The following ITPR1 variants were observed in gnomAD, a reference collection of about 807,000 sequenced individuals.
ITPR1 encodes the protein inositol 1,4,5-trisphosphate-gated calcium channel ITPR1.
A neutral mutation model predicts 318.4 loss-of-function variants in ITPR1; 96 were observed. That is an observed-to-expected ratio of 0.30 (90% CI 0.26 to 0.36). The LOEUF (loss-of-function observed/expected upper bound fraction) is 0.36, where lower values mean the gene tolerates loss of function less well. Ranked by LOEUF, ITPR1 falls within the 10% of genes least tolerant of loss-of-function variation. The pLI is 1.00. For missense variants in ITPR1, 2,440 were observed against 3,460.2 expected (o/e 0.71, Z 7.40); for synonymous variants, 1,312 against 1,289.9 (o/e 1.02, Z -0.37).
At chr3:4,700,826 T>C (rs2094637380) in intron 35 of ITPR1, among the ~76,000 whole-genome samples, 1 of 152,276 alleles carries the variant, frequency 6.6e-6, no homozygotes, top group Admixed American at 6.5e-5. Context: ...CTCACAGTCA[T>C]GGTGGAGGGT....
At chr3:4,720,633 C>T (rs933609107) in intron 40 of ITPR1, among the ~76,000 whole-genome samples, 17 of 152,120 alleles carry the variant, frequency 1.1e-4, no homozygotes, top group Non-Finnish European at 2.2e-4. Context: ...ATCTCTGGAG[C>T]CATTGGTGCC....
chr3:4,755,922 T>C (rs1194004071), intron 44 of ITPR1, among the ~76,000 whole-genome samples: 2 of 152,144 alleles, frequency 1.3e-5, no homozygotes, highest in East Asian at 3.9e-4. Context: ...TACTTGGAAG[T>C]CTATGTTATT....
chr3:4,540,230 A>G (rs931809571), intron 4 of ITPR1, among the ~76,000 whole-genome samples: 9 of 152,190 alleles, frequency 5.9e-5, no homozygotes, highest in African/African-American at 2.2e-4. Flanking sequence ...AATATTTATC[A>G]TTATGTAAGA....
intron 40 of ITPR1, among the ~76,000 whole-genome samples, chr3:4,718,774 C>CTGCCGTTAACTGCAGGGAATTT (rs1187580201): frequency 1.3e-5 from 2 of 152,224 alleles, no homozygotes; most frequent in African/African-American, 4.8e-5. Flanking sequence ...ACTTAATTAA[C>CTGCCGTTAACTGCAGGGAATTT]TGCCGTTAAC....
At chr3:4,782,223 G>GA (rs1323640220) in intron 49 of ITPR1, 1 of 156,574 alleles carries the variant, frequency 6.4e-6, no homozygotes, top group Non-Finnish European at 1.4e-5. Flanking sequence ...AGGTTTTCCT[G>GA]AAATGGTAAA....
rs766635742 is a variant in ITPR1, at chr3:4,684,231, A to G, written c.3499-50A>G. On this transcript the variant is annotated intron_variant, in intron 28 of 61. Transcript: ENST00000649015. ...TCGATGCTAACTGTAAAAAACTGAC[A>G]GTAGCCCAAGAGTTGTACAGATCAC... is the stretch of plus-strand genomic sequence containing the variant. 27 of 1,240,660 alleles carry G rather than the reference A, an allele frequency of 2.2e-5. 1 individual carries two copies. Among genetic ancestry groups the G allele is most frequent in the Non-Finnish European group, 2.6e-5 (22 of 848,078 alleles). 76.9% of individuals were successfully genotyped at this position (1,240,660 alleles called of 1,614,324 possible). A position where few individuals can be genotyped will look rare whatever the true frequency, so the allele number is the denominator to read the frequency against.
At chr3:4,838,805 C>A (rs1329872795) in intron 61 of ITPR1, among the ~76,000 whole-genome samples, 1 of 152,178 alleles carries the variant, frequency 6.6e-6, no homozygotes, top group African/African-American at 2.4e-5. Flanking sequence ...CTGGGTGTTA[C>A]CAATTTACTA....
At chr3:4,804,435 G>T (rs182179035) in intron 54 of ITPR1, among the ~76,000 whole-genome samples, 158 of 152,348 alleles carry the variant, frequency 1.0e-3, no homozygotes, top group African/African-American at 3.3e-3. Context: ...AGCTGTCTCT[G>T]TTGAGAGGTG....
At chr3:4,661,978 C>G (rs2093844413) in intron 14 of ITPR1, 104 bp from the exon 15 acceptor site, 4 of 937,280 alleles carry the variant, frequency 4.3e-6, no homozygotes, top group African/African-American at 1.6e-5. Context: ...CAAGATAGCT[C>G]TAGTATCTTG....
intron 55 of ITPR1, among the ~76,000 whole-genome samples, chr3:4,808,983 G>C (rs1162698853): frequency 2.6e-5 from 4 of 152,206 alleles, no homozygotes; most frequent in African/African-American, 9.7e-5. Flanking sequence ...GTTAACAAAA[G>C]CAGAAATCCA....
intron 59 of ITPR1, among the ~76,000 whole-genome samples, chr3:4,816,921 T>C (rs1413942130): frequency 2.0e-5 from 3 of 152,252 alleles, no homozygotes; most frequent in East Asian, 3.8e-4. Context: ...TGGCTTTTTA[T>C]TGTAAGAAAG....
intron 4 of ITPR1, among the ~76,000 whole-genome samples, chr3:4,612,501 T>G (rs1461783632): frequency 6.6e-6 from 1 of 152,160 alleles, no homozygotes; most frequent in Non-Finnish European, 1.5e-5. Context: ...GCTAATCTTG[T>G]TTTTTTCTAT....
At chr3:4,605,847 C>T (rs1008379981) in intron 4 of ITPR1, among the ~76,000 whole-genome samples, 3 of 152,126 alleles carry the variant, frequency 2.0e-5, no homozygotes, top group Admixed American at 6.5e-5. Context: ...GGTTGTTCTC[C>T]TCTCTCCACA....
At chr3:4,558,202 C>T (rs1023364505) in intron 4 of ITPR1, among the ~76,000 whole-genome samples, 11 of 152,016 alleles carry the variant, frequency 7.2e-5, no homozygotes, top group Non-Finnish European at 1.3e-4. Context: ...CATACAGCTA[C>T]CCAATAGAAT....
intron 4 of ITPR1, among the ~76,000 whole-genome samples, chr3:4,522,422 G>A (rs533241947): frequency 1.3e-5 from 2 of 152,288 alleles, no homozygotes; most frequent in East Asian, 3.9e-4. Flanking sequence ...GAACTCAGAC[G>A]TTCAGATGGA....
At position 4,529,722 on chromosome 3, in the gene ITPR1, G is replaced by A. The variant is rs111567679; in HGVS notation, c.163+8628G>A. 7.5e-3 allele frequency among the ~76,000 whole-genome samples: 1,138 copies of A among 152,290 alleles called. 21 individuals carry two copies. Among genetic ancestry groups the A allele is most frequent in the African/African-American group, 0.026 (1,071 of 41,550 alleles). On this transcript the variant is annotated intron_variant, in intron 4 of 61. Coordinates refer to ENST00000649015, the MANE Select transcript of ITPR1 (RefSeq NM_001378452.1). ...AAATTTTTTTTGGTTCCATCACCCT[G>A]TGTAATTAATGATAACCTACTTTTT... is the stretch of plus-strand genomic sequence containing the variant.
At chr3:4,532,411 C>G (rs1453555301) in intron 4 of ITPR1, among the ~76,000 whole-genome samples, 1 of 152,120 alleles carries the variant, frequency 6.6e-6, no homozygotes, top group Non-Finnish European at 1.5e-5. Flanking sequence ...GTAGCTCAGG[C>G]TGGAGAGCAG....
At chr3:4,714,241 C>T (rs967479965) in intron 39 of ITPR1, among the ~76,000 whole-genome samples, 2 of 152,180 alleles carry the variant, frequency 1.3e-5, no homozygotes, top group African/African-American at 4.8e-5. Flanking sequence ...CTCAAGCAAA[C>T]CAGTTGGCTT....
intron 19 of ITPR1, 32 bp downstream of exon 19, chr3:4,669,805 C>T (rs913541316): frequency 6.3e-7 from 1 of 1,581,474 alleles, no homozygotes; most frequent in Admixed American, 1.8e-5. Flanking sequence ...AGATGGAAAA[C>T]ATGGGGTTCA....
Sources: gnomAD v4.1 joint callset for allele counts (sites outside exome capture counted in the v4.1 genomes callset) on GRCh38, gnomAD v4.1.1 for gene constraint, MANE v1.5 for transcripts, NCBI Gene and HGNC (gene_info 2026-07-23, HGNC 2026-07-21) for gene names.